The following CLASP2 variants were observed in gnomAD, a reference collection of about 807,000 sequenced individuals.
CLASP2 encodes CLIP-associating protein 2.
Under a neutral mutation model 194.4 loss-of-function variants are expected in CLASP2, and 47 were observed. The ratio of observed to expected loss-of-function variants is 0.24; its 90% CI spans 0.19 to 0.31. CLASP2 has a LOEUF of 0.31. Among genes scored for constraint, CLASP2 ranks in the 10% least tolerant of loss-of-function variants. The probability of loss-of-function intolerance (pLI) is 1.00; values close to 1 mark genes in which losing one functional copy is unlikely to be tolerated. For synonymous variants in CLASP2, 619 were observed against 633.5 expected (o/e 0.98, Z 0.34); for missense variants, 1,445 against 1,823.6 (o/e 0.79, Z 3.78).
chr3:33,595,491 T>C (rs987190901), intron 19 of CLASP2, among the ~76,000 whole-genome samples: 3 of 152,082 alleles, frequency 2.0e-5, no homozygotes, highest in African/African-American at 7.2e-5. Context: ...ATCCAATTCA[T>C]TAGCTATTTA....
chr3:33,651,657 C>CTTTT (rs1213189049), intron 7 of CLASP2, among the ~76,000 whole-genome samples: 3 of 119,626 alleles, frequency 2.5e-5, no homozygotes, highest in Non-Finnish European at 3.4e-5. Context: ...TTCCACCTCA[C>CTTTT]TTTTTTTTTT....
At chr3:33,657,499 T>A (rs2084471976) in intron 7 of CLASP2, among the ~76,000 whole-genome samples, 2 of 151,262 alleles carry the variant, frequency 1.3e-5, no homozygotes, top group Non-Finnish European at 2.9e-5. Flanking sequence ...ACTATAACCA[T>A]TGAACCTAAA....
chr3:33,602,975 T>C lies in CLASP2; in HGVS notation c.1901A>G (p.Asn634Ser). Residue 634 changes from asparagine (N) to serine (S), a missense_variant, in exon 18 of 39, where the codon AAT becomes AGT. By Grantham distance (46) the Asn-to-Ser change is conservative. Coordinates refer to ENST00000682230, the MANE Select transcript of CLASP2 (RefSeq NM_001365631.1). ...ACCTAGTGACGCATAGGAACCTGCA[T>C]TCAGGGCACCTGCACCTAAGCGCCC... Reference protein sequence around the residue: ...RSGRLGAGALNAGSYASLEDT... With the variant: ...RSGRLGAGALSAGSYASLEDT... The C allele has an allele frequency of 6.2e-7, 1 of 1,610,870 alleles. No homozygotes were observed. Among genetic ancestry groups the C allele is most frequent in the Middle Eastern group, 1.6e-4 (1 of 6,062 alleles).
intron 6 of CLASP2, among the ~76,000 whole-genome samples, chr3:33,675,337 T>C (rs374949222): frequency 7.9e-5 from 12 of 151,960 alleles, no homozygotes; most frequent in Admixed American, 1.3e-4. Context: ...AGACAAAAAC[T>C]ACATGATTAT....
Position 33,516,006 on chromosome 3 carries a change from C to T in CLASP2, c.4110+17G>A, listed in dbSNP as rs376079237. On this transcript the variant is annotated intron_variant, in intron 36 of 38. Transcript: ENST00000682230. ...AATAAAATAATGGAATAATACTTTA[C>T]CGGCCAGGTAACTTACCTCCTTATG... The T allele has an allele frequency of 5.9e-5, 94 of 1,596,902 alleles. No individual in the cohort carries two copies. Among genetic ancestry groups the T allele is most frequent in the African/African-American group, 1.1e-4 (8 of 74,300 alleles).
At chr3:33,573,457 T>G (rs769489771) in intron 24 of CLASP2, 103 bp from the exon 25 acceptor site, 2 of 1,103,524 alleles carry the variant, frequency 1.8e-6, no homozygotes, top group Admixed American at 3.9e-5. Flanking sequence ...TTAAAATCAG[T>G]GCAAAGCATG....
chr3:33,707,857 C>T (rs1022804083), intron 1 of CLASP2, among the ~76,000 whole-genome samples: 7 of 152,052 alleles, frequency 4.6e-5, no homozygotes, highest in African/African-American at 1.7e-4. Context: ...GAGGGGGAAA[C>T]ATTAAAAGAG....
chr3:33,579,216 T>C (rs2065513919), intron 23 of CLASP2, among the ~76,000 whole-genome samples: 1 of 152,234 alleles, frequency 6.6e-6, no homozygotes, highest in African/African-American at 2.4e-5. Flanking sequence ...ATAGGAACTT[T>C]CATGAGAATC....
In CLASP2 at chr3:33,497,231, A is replaced by C. The variant is rs756895877; in HGVS notation, c.*1400T>G. On this transcript the variant is annotated 3_prime_UTR_variant, in exon 39 of 39. Coordinates refer to ENST00000682230, the MANE Select transcript of CLASP2 (RefSeq NM_001365631.1). The stretch of plus-strand genomic sequence containing the variant: ...TTACATATATTTCTACATTTTTTTC[A>C]GTTAAACAAAGTACAGATAACTCTG... 2.0e-5 allele frequency: 3 copies of C among 152,516 alleles called. No individual in the cohort carries two copies. Among genetic ancestry groups the C allele is most frequent in the African/African-American group, 4.8e-5 (2 of 41,454 alleles). 9.4% of individuals were successfully genotyped at this position (152,516 alleles called of 1,614,324 possible). A position where few individuals can be genotyped will look rare whatever the true frequency, so the allele number is the denominator to read the frequency against.
At chr3:33,604,441 TCAAGTTACCTGGGACTA>T (rs1223451478) in intron 16 of CLASP2, among the ~76,000 whole-genome samples, 1 of 151,650 alleles carries the variant, frequency 6.6e-6, no homozygotes, top group African/African-American at 2.4e-5. Context: ...CCTCAATCTC[TCAAGTTACCTGGGACTA>T]TATGTGCCTG....
chr3:33,692,302 T>C (rs1166093804), intron 2 of CLASP2, among the ~76,000 whole-genome samples: 2 of 152,064 alleles, frequency 1.3e-5, no homozygotes, highest in Admixed American at 6.5e-5. Context: ...ATAACAATAA[T>C]GGAAAAAGAA....
At chr3:33,551,426 G>GA (rs1457765372) in intron 29 of CLASP2, 31 bp from the exon 30 acceptor site, 6 of 1,599,854 alleles carry the variant, frequency 3.8e-6, no homozygotes, top group Admixed American at 1.7e-5. Flanking sequence ...AGAAAGGACA[G>GA]AAAGATGGTT....
At chr3:33,597,385 T>C (rs1399930163) in intron 18 of CLASP2, among the ~76,000 whole-genome samples, 12 of 152,176 alleles carry the variant, frequency 7.9e-5, no homozygotes. Flanking sequence ...AGGACTGATA[T>C]TGTTCTTAAG....
chr3:33,504,181 G>A (rs2047524227), intron 37 of CLASP2: 1 of 152,138 alleles, frequency 6.6e-6, no homozygotes, highest in Non-Finnish European at 1.5e-5. Context: ...TAATTTTGAT[G>A]AAGTTCAATT....
At chr3:33,570,812 T>C in intron 25 of CLASP2, 22 bp from the exon 26 acceptor site, 1 of 1,551,464 alleles carries the variant, frequency 6.4e-7, no homozygotes, top group Non-Finnish European at 8.7e-7. Context: ...ATACAGCGGT[T>C]AATTAATATC....
intron 23 of CLASP2, among the ~76,000 whole-genome samples, chr3:33,580,010 T>C (rs2065683638): frequency 6.6e-6 from 1 of 152,156 alleles, no homozygotes; most frequent in Non-Finnish European, 1.5e-5. Flanking sequence ...GCAGACTAAC[T>C]CTATTGCATA....
chr3:33,521,121 G>A (rs1252767870), intron 34 of CLASP2, among the ~76,000 whole-genome samples: 3 of 152,068 alleles, frequency 2.0e-5, no homozygotes, highest in African/African-American at 4.8e-5. Context: ...GGCAATTTGA[G>A]CTTCAAAATA....
intron 6 of CLASP2, among the ~76,000 whole-genome samples, chr3:33,677,651 A>G (rs1463149751): frequency 6.6e-6 from 1 of 151,426 alleles, no homozygotes; most frequent in African/African-American, 2.4e-5. Context: ...ACATGTATAC[A>G]TATGTAACTA....
intron 33 of CLASP2, among the ~76,000 whole-genome samples, chr3:33,538,106 A>C (rs2057714825): frequency 6.6e-6 from 1 of 150,552 alleles, no homozygotes. Flanking sequence ...GCGCCACTGC[A>C]CTCCAGCCTG....
Sources: allele counts gnomAD v4.1 joint callset (sites outside exome capture counted in the v4.1 genomes callset), GRCh38; gene constraint gnomAD v4.1.1; transcripts MANE v1.5; gene names NCBI Gene and HGNC (gene_info 2026-07-23, HGNC 2026-07-21).